The following MMP24 variants were observed in gnomAD, a reference collection of about 807,000 sequenced individuals.
MMP24 encodes the protein matrix metallopeptidase 24.
MMP24 carries 25 observed loss-of-function variants against 62.8 expected under a neutral mutation model. The observed-to-expected ratio is 0.40, with a 90% CI of 0.29 to 0.56. The LOEUF (loss-of-function observed/expected upper bound fraction) is 0.56, where lower values mean the gene tolerates loss of function less well. Among genes scored for constraint, MMP24 ranks in the 20% least tolerant of loss-of-function variants. MMP24 has a pLI of 0.50. For synonymous variants in MMP24, 319 were observed against 350.5 expected (o/e 0.91, Z 1.00); for missense variants, 634 against 853.6 (o/e 0.74, Z 3.21).
chr20:35,233,218 C>T (rs1260484461), intron 1 of MMP24, among the ~76,000 whole-genome samples: 1 of 151,986 alleles, frequency 6.6e-6, no homozygotes, highest in Non-Finnish European at 1.5e-5. Context: ...ACCAGCCTGG[C>T]CAACATGGTG....
intron 4 of MMP24, among the ~76,000 whole-genome samples, chr20:35,260,775 GAA>G (rs1468865912): frequency 6.6e-6 from 1 of 152,236 alleles, no homozygotes; most frequent in Non-Finnish European, 1.5e-5. Flanking sequence ...TGGCTTCACA[GAA>G]GACACTGGCG....
chr20:35,236,736 G>A (rs1213937269), intron 1 of MMP24, among the ~76,000 whole-genome samples: 10 of 152,172 alleles, frequency 6.6e-5, no homozygotes, highest in Non-Finnish European at 1.3e-4. Context: ...CACTTTGGGA[G>A]GCTGAGGTGA....
rs373862674 is a variant in MMP24, at chr20:35,246,822, C to T, written c.247-18C>T. 92 of 1,612,974 alleles carry T rather than the reference C, an allele frequency of 5.7e-5. No homozygotes were observed. Among genetic ancestry groups the T allele is most frequent in the Non-Finnish European group, 7.5e-5 (88 of 1,179,126 alleles). The stretch of plus-strand genomic sequence containing the variant: ...CTTTCCCAGCATAACGCATCTTTTT[C>T]TTTCCCGTGTCTTTCAGAACTGGTT... On this transcript the variant is annotated intron_variant, in intron 1 of 8. Transcript: ENST00000246186.
Position 35,252,040 on chromosome 20 carries a change from T to C in MMP24, c.512+19T>C. Reference sequence around the variant, plus strand: ...CCTACAGGTGCTTCGACTCTCCCTCTTCCTCCCTGCCTTTGGCTCCACCCT... The same window carrying C: ...CCTACAGGTGCTTCGACTCTCCCTCCTCCTCCCTGCCTTTGGCTCCACCCT... On this transcript the variant is annotated intron_variant, in intron 3 of 8. Transcript: ENST00000246186. 6.3e-7 allele frequency: 1 copy of C among 1,576,688 alleles called. No homozygotes were observed. The highest frequency in any genetic ancestry group is 8.7e-7 in the Non-Finnish European group (1 of 1,145,962).
At chr20:35,235,240 C>A (rs2060457351) in intron 1 of MMP24, among the ~76,000 whole-genome samples, 2 of 151,968 alleles carry the variant, frequency 1.3e-5, no homozygotes, top group South Asian at 4.1e-4. Context: ...CCTATCTCTA[C>A]AAAAAATACA....
At chr20:35,265,252 C>A (rs539231391) in intron 5 of MMP24, among the ~76,000 whole-genome samples, 1 of 152,014 alleles carries the variant, frequency 6.6e-6, no homozygotes, top group South Asian at 2.1e-4. Context: ...TCTAGCCTGG[C>A]CAACATGGCA....
intron 4 of MMP24, among the ~76,000 whole-genome samples, chr20:35,259,502 A>AG (rs569548981): frequency 9.8e-4 from 149 of 152,312 alleles, no homozygotes; most frequent in African/African-American, 3.4e-3. Flanking sequence ...AACTGCTGGG[A>AG]GGGCACAGCA....
At chr20:35,245,955 A>G (rs1214937694) in intron 1 of MMP24, among the ~76,000 whole-genome samples, 2 of 152,130 alleles carry the variant, frequency 1.3e-5, no homozygotes, top group East Asian at 1.9e-4. Context: ...TGCACACATG[A>G]TTTATTTATA....
chr20:35,260,346 G>T (rs2060595896), intron 4 of MMP24, among the ~76,000 whole-genome samples: 1 of 152,226 alleles, frequency 6.6e-6, no homozygotes, highest in East Asian at 1.9e-4. Context: ...GTTCTCTGCA[G>T]ACCCAGAACA....
At chr20:35,264,156 G>T (rs997212122) in intron 5 of MMP24, 9 of 515,986 alleles carry the variant, frequency 1.7e-5, no homozygotes, top group Non-Finnish European at 2.6e-5. Flanking sequence ...GAAACCTAGG[G>T]GAGGGTCTGA....
At chr20:35,260,684 G>A (rs1184406466) in intron 4 of MMP24, among the ~76,000 whole-genome samples, 1 of 152,270 alleles carries the variant, frequency 6.6e-6, no homozygotes, top group Non-Finnish European at 1.5e-5. Context: ...GCCCTCTCAT[G>A]CCAGCAGAAG....
chr20:35,258,880 G>T (rs2060588044), intron 4 of MMP24, among the ~76,000 whole-genome samples: 2 of 152,036 alleles, frequency 1.3e-5, no homozygotes, highest in African/African-American at 4.8e-5. Context: ...TCCTCCATGT[G>T]TTTAAAAGGC....
At chr20:35,250,631 AG>A (rs1324461653) in intron 2 of MMP24, among the ~76,000 whole-genome samples, 1 of 152,172 alleles carries the variant, frequency 6.6e-6, no homozygotes, top group African/African-American at 2.4e-5. Flanking sequence ...AAAGAGGTTT[AG>A]TTGGCTCAGG....
intron 1 of MMP24, among the ~76,000 whole-genome samples, chr20:35,237,846 G>A (rs2060470996): frequency 6.6e-6 from 1 of 152,176 alleles, no homozygotes; most frequent in African/African-American, 2.4e-5. Context: ...CTGTGGAGGA[G>A]GCTGTCTAAG....
intron 2 of MMP24, among the ~76,000 whole-genome samples, chr20:35,251,041 A>C (rs1389486302): frequency 6.6e-6 from 1 of 152,138 alleles, no homozygotes; most frequent in African/African-American, 2.4e-5. Context: ...TAAACCAATA[A>C]ATTTTAAATC....
chr20:35,270,330 A>C (rs1248817056), intron 7 of MMP24, among the ~76,000 whole-genome samples: 1 of 152,230 alleles, frequency 6.6e-6, no homozygotes, highest in Non-Finnish European at 1.5e-5. Flanking sequence ...TGGGTGAGAT[A>C]CAGATAGTGA....
At chr20:35,256,485 C>G (rs972770401) in intron 4 of MMP24, 3 of 151,958 alleles carry the variant, frequency 2.0e-5, no homozygotes, top group African/African-American at 7.3e-5. Flanking sequence ...TTTGGGAGGC[C>G]GAGGCAGGTG....
At position 35,274,197 on chromosome 20, in the gene MMP24, C is replaced by G. The variant is rs2060689782; in HGVS notation, c.1601-75C>G. ...TGCCTCCCTTGCCACAGTGCCTGTG[C>G]CCTCCTTTTCACACTGCCCCAGAGC... On this transcript the variant is annotated intron_variant, in intron 8 of 8. Transcript: ENST00000246186. This position sits in a 1 kb window ranked among gnomAD's most constrained non-coding sequence, Gnocchi z 5.1. 1 of 1,425,196 alleles carries G rather than the reference C, an allele frequency of 7.0e-7. No homozygotes were observed. Among genetic ancestry groups the G allele is most frequent in the East Asian group, 2.3e-5 (1 of 43,824 alleles). The allele number at this position is 1,425,196 out of a possible 1,614,324, so 88.3% of individuals were successfully genotyped here. A position where few individuals can be genotyped will look rare whatever the true frequency, so the allele number is the denominator to read the frequency against.
chr20:35,267,123 G>C, intron 5 of MMP24, 82 bp from the exon 6 acceptor site: 2 of 1,209,554 alleles, frequency 1.7e-6, no homozygotes, highest in Non-Finnish European at 2.3e-6. Context: ...ACTTGTCTCA[G>C]AGCTGCCTGG....
Sources: allele counts gnomAD v4.1 joint callset (sites outside exome capture counted in the v4.1 genomes callset), GRCh38; gene constraint gnomAD v4.1.1; non-coding constraint Gnocchi (gnomAD v3.1); transcripts MANE v1.5; gene names NCBI Gene and HGNC (gene_info 2026-07-23, HGNC 2026-07-21).